The following NUP214 variants were observed in gnomAD, a reference collection of about 807,000 sequenced individuals.
NUP214 encodes nuclear pore complex protein Nup214.
NUP214 carries 79 observed loss-of-function variants against 196.2 expected under a neutral mutation model. The observed-to-expected ratio is 0.40, with a 90% CI of 0.34 to 0.49. The LOEUF is 0.49. Ranked by LOEUF, NUP214 falls within the 20% of genes least tolerant of loss-of-function variation. NUP214 has a pLI of 0.58. For synonymous variants in NUP214, 1,020 were observed against 990.5 expected, an observed-to-expected ratio of 1.03 and a Z score of -0.56; for missense variants, 2,468 against 2,539.0, an observed-to-expected ratio of 0.97 and a Z score of 0.60.
intron 14 of NUP214, among the ~76,000 whole-genome samples, chr9:131,148,912 CT>C (rs1832165917): frequency 6.6e-6 from 1 of 151,980 alleles, no homozygotes; most frequent in Non-Finnish European, 1.5e-5. Context: ...TCAGTTTTTT[CT>C]TTTATGATTA....
In NUP214 at chr9:131,125,981, C is replaced by T. The variant is rs1831334789; in HGVS notation, c.45+232C>T. 1.8e-6 allele frequency: 1 copy of T among 568,730 alleles called. No homozygotes were observed. The highest frequency in any genetic ancestry group is 3.1e-6 in the Non-Finnish European group (1 of 324,114). 35.2% of individuals were successfully genotyped at this position (568,730 alleles called of 1,614,324 possible). A position where few individuals can be genotyped will look rare whatever the true frequency, so the allele number is the denominator to read the frequency against. ...GGCTGTTGAGTTACCCTAGCTACTT[C>T]CTGGGGCGGTCACAATAGTGGCAAT... On this transcript the variant is annotated intron_variant, in intron 1 of 35. Transcript: ENST00000359428. The surrounding 1 kb of genome is among the most constrained non-coding windows in gnomAD (Gnocchi z 4.1).
chr9:131,176,047 G>C (rs1394518990), intron 23 of NUP214, among the ~76,000 whole-genome samples: 1 of 152,112 alleles, frequency 6.6e-6, no homozygotes, highest in Non-Finnish European at 1.5e-5. Context: ...GCTGGGCATA[G>C]TGACTCATGC....
At position 131,144,566 on chromosome 9, in the gene NUP214, A is replaced by G; in HGVS notation, c.1581A>G (p.Lys527=). 1.2e-6 allele frequency: 2 copies of G among 1,613,886 alleles called. No homozygotes were observed. Among genetic ancestry groups the G allele is most frequent in the Non-Finnish European group, 1.7e-6 (2 of 1,179,942 alleles). Reference sequence around the variant, plus strand: ...CCTTCTCTTTTGTTCCCCCTTCTAAAGCCTCCCTAGCCCCCACCCCTGCAG... The same window carrying G: ...CCTTCTCTTTTGTTCCCCCTTCTAAGGCCTCCCTAGCCCCCACCCCTGCAG... ...PSTFSFVPPS[K]ASLAPTPAAS... Residue 527 remains lysine (K), a synonymous_variant, in exon 12 of 36, where the codon AAA becomes AAG. Coordinates refer to ENST00000359428, the MANE Select transcript of NUP214 (RefSeq NM_005085.4).
rs1187199253 is a variant in NUP214, at chr9:131,234,562, A to G, written c.*1075A>G. 1.3e-5 allele frequency: 3 copies of G among 231,750 alleles called. No homozygotes were observed. Among genetic ancestry groups the G allele is most frequent in the Admixed American group, 5.6e-5 (1 of 17,710 alleles). 14.4% of individuals were successfully genotyped at this position (231,750 alleles called of 1,614,324 possible). A position where few individuals can be genotyped will look rare whatever the true frequency, so the allele number is the denominator to read the frequency against. On this transcript the variant is annotated 3_prime_UTR_variant, in exon 36 of 36. Coordinates refer to ENST00000359428, the MANE Select transcript of NUP214 (RefSeq NM_005085.4). ...ATCTGACAGTGCTTTGGCTTGGGTC[A>G]TGAGCAGCGGGGAGTTGGGAAGAGA...
At chr9:131,154,409 A>C (rs1416056813) in intron 17 of NUP214, among the ~76,000 whole-genome samples, 1 of 151,944 alleles carries the variant, frequency 6.6e-6, no homozygotes, top group Non-Finnish European at 1.5e-5. Context: ...TCCAGAGTCC[A>C]TTGTATCATT....
chr9:131,215,809 A>G (rs1834376857), intron 31 of NUP214, among the ~76,000 whole-genome samples: 1 of 152,120 alleles, frequency 6.6e-6, no homozygotes, highest in Admixed American at 6.6e-5. Flanking sequence ...GATGTCACCC[A>G]AAAGTTGAAG....
At chr9:131,170,899 G>A (rs891874194) in intron 21 of NUP214, among the ~76,000 whole-genome samples, 1 of 151,932 alleles carries the variant, frequency 6.6e-6, no homozygotes, top group Non-Finnish European at 1.5e-5. Flanking sequence ...CTCAAAAGGA[G>A]CACTTTCTAT....
chr9:131,199,084 ATTAC>A lies in NUP214; in HGVS notation c.5521+72_5521+75del. 2.0e-6 allele frequency: 3 copies of A among 1,503,980 alleles called. No individual in the cohort carries two copies. In the South Asian group the frequency reaches 4.1e-5, roughly 20 times the overall value. 93.2% of individuals were successfully genotyped at this position (1,503,980 alleles called of 1,614,324 possible). On this transcript the variant is annotated intron_variant, in intron 29 of 35. Coordinates refer to ENST00000359428, the MANE Select transcript of NUP214 (RefSeq NM_005085.4). The stretch of plus-strand genomic sequence containing the variant: ...TTTGAAACATTAGCAACAGACCCCT[ATTAC>A]TTTTGTAATTAAAGGGGAGACTCAA...
At chr9:131,140,486 GCCTTCTGGGCTCAGGC>G in intron 10 of NUP214, 47 bp from the exon 11 acceptor site, 5 of 1,456,058 alleles carry the variant, frequency 3.4e-6, no homozygotes, top group Non-Finnish European at 3.7e-6. Flanking sequence ...GGCAGTCTTT[GCCTTCTGGGCTCAGGC>G]CCTTAAATTC....
chr9:131,130,131 G>GGTTTT (rs1403427570), intron 4 of NUP214, among the ~76,000 whole-genome samples: 3 of 100,978 alleles, frequency 3.0e-5, no homozygotes, highest in African/African-American at 7.6e-5. Flanking sequence ...AATGATTTCT[G>GGTTTT]GTTTTGTTTT....
chr9:131,183,381 G>A (rs775831309), intron 24 of NUP214, among the ~76,000 whole-genome samples: 11 of 152,152 alleles, frequency 7.2e-5, no homozygotes, highest in East Asian at 1.9e-4. Flanking sequence ...CACCGCGCCC[G>A]GCTGACTATC....
intron 25 of NUP214, among the ~76,000 whole-genome samples, chr9:131,187,899 C>T (rs1445891384): frequency 6.6e-6 from 1 of 152,194 alleles, no homozygotes; most frequent in East Asian, 1.9e-4. Flanking sequence ...CATTCTGCAC[C>T]TAGTAATTTG....
chr9:131,221,455 C>T (rs1834552602), intron 31 of NUP214, among the ~76,000 whole-genome samples: 1 of 152,176 alleles, frequency 6.6e-6, no homozygotes, highest in African/African-American at 2.4e-5. Flanking sequence ...AAGAGCATTG[C>T]ATCTGGACGT....
intron 30 of NUP214, among the ~76,000 whole-genome samples, chr9:131,210,034 A>G (rs1834194030): frequency 6.6e-6 from 1 of 152,204 alleles, no homozygotes; most frequent in South Asian, 2.1e-4. Context: ...ATCAACCCTT[A>G]GTGAAATCTG....
intron 30 of NUP214, among the ~76,000 whole-genome samples, chr9:131,202,589 A>AT (rs763382499): frequency 0.021 from 2,936 of 142,398 alleles, 47 homozygotes; most frequent in Non-Finnish European, 0.031. Flanking sequence ...ACACCCAGCT[A>AT]TTTTTTTTTT....
chr9:131,138,376 G>A lies in NUP214; in HGVS notation c.1006-905G>A, dbSNP rs574078694. On this transcript the variant is annotated intron_variant, in intron 9 of 35. Coordinates refer to ENST00000359428, the MANE Select transcript of NUP214 (RefSeq NM_005085.4). ...TGGGACCACAGTTGCACACCAACAC[G>A]CCCAGCTAATTTTGTATTTCTGGTA... Among the ~76,000 whole-genome samples, 69 of 151,804 alleles carry A rather than the reference G, an allele frequency of 4.5e-4. 1 individual carries two copies. The South Asian group carries it at 0.01, about 22-fold the overall frequency.
At chr9:131,207,796 G>T (rs1834125216) in intron 30 of NUP214, among the ~76,000 whole-genome samples, 1 of 152,366 alleles carries the variant, frequency 6.6e-6, no homozygotes, top group Non-Finnish European at 1.5e-5. Context: ...CCCATCATAG[G>T]TGTGAGCACT....
intron 23 of NUP214, among the ~76,000 whole-genome samples, chr9:131,176,038 C>T (rs1833105361): frequency 6.6e-6 from 1 of 152,054 alleles, no homozygotes; most frequent in Non-Finnish European, 1.5e-5. Flanking sequence ...GCTATTTTGG[C>T]TGGGCATAGT....
chr9:131,141,477 A>ATTT, intron 11 of NUP214, among the ~76,000 whole-genome samples: 1 of 125,230 alleles, frequency 8.0e-6, no homozygotes, highest in African/African-American at 3.1e-5. Flanking sequence ...GTGAAAAGAA[A>ATTT]CTTTTTTTTT....
Sources: gnomAD v4.1 joint callset for allele counts (sites outside exome capture counted in the v4.1 genomes callset) on GRCh38, gnomAD v4.1.1 for gene constraint, Gnocchi (gnomAD v3.1) non-coding constraint, MANE v1.5 for transcripts, NCBI Gene and HGNC (gene_info 2026-07-23, HGNC 2026-07-21) for gene names.